The following PRICKLE1 variants were observed in gnomAD, a reference collection of about 807,000 sequenced individuals.
PRICKLE1 encodes the protein prickle-like protein 1.
In PRICKLE1, 14 loss-of-function variants were observed where a neutral mutation model predicts 70.2. That is an observed-to-expected ratio of 0.20 (90% CI 0.13 to 0.31). PRICKLE1 has a LOEUF of 0.31. Ranked by LOEUF, PRICKLE1 falls within the 10% of genes least tolerant of loss-of-function variation. The pLI, the probability that PRICKLE1 is intolerant of heterozygous loss-of-function variation, is 1.00. For missense variants in PRICKLE1, 821 were observed against 1,026.2 expected (o/e 0.80, Z 2.73); for synonymous variants, 357 against 379.9 (o/e 0.94, Z 0.70).
At chr12:42,517,717 T>TA (rs1021788112) in intron 1 of PRICKLE1, among the ~76,000 whole-genome samples, 42 of 152,212 alleles carry the variant, frequency 2.8e-4, no homozygotes, top group African/African-American at 9.4e-4. Context: ...CTCCTGGCTT[T>TA]AAGGACACCC....
chr12:42,558,193 C>T (rs934571285), intron 1 of PRICKLE1, among the ~76,000 whole-genome samples: 6 of 152,190 alleles, frequency 3.9e-5, no homozygotes, highest in Admixed American at 2.0e-4. Context: ...AAATGTAATA[C>T]TTACACCTTA....
intron 1 of PRICKLE1, among the ~76,000 whole-genome samples, chr12:42,488,541 T>G (rs760315159): frequency 6.6e-6 from 1 of 152,248 alleles, no homozygotes; most frequent in Non-Finnish European, 1.5e-5. Flanking sequence ...GGTTCTGACC[T>G]TAGGCTCTGC....
At chr12:42,572,407 G>A (rs1940731844) in intron 1 of PRICKLE1, among the ~76,000 whole-genome samples, 1 of 151,504 alleles carries the variant, frequency 6.6e-6, no homozygotes, top group African/African-American at 2.4e-5. Context: ...TTGCACTCCA[G>A]CCTGGGTGAC....
At chr12:42,580,528 C>T (rs1228954968) in intron 1 of PRICKLE1, among the ~76,000 whole-genome samples, 1 of 152,058 alleles carries the variant, frequency 6.6e-6, no homozygotes, top group Non-Finnish European at 1.5e-5. Context: ...AACAATTATG[C>T]TCATTGTTTT....
At chr12:42,492,711 GTAAC>G (rs1939127949) in intron 1 of PRICKLE1, among the ~76,000 whole-genome samples, 1 of 152,212 alleles carries the variant, frequency 6.6e-6, no homozygotes, top group African/African-American at 2.4e-5. Flanking sequence ...GCTCTAGTAA[GTAAC>G]TGTCTTTTGA....
At chr12:42,543,742 C>T (rs375648576) in intron 1 of PRICKLE1, among the ~76,000 whole-genome samples, 52 of 152,142 alleles carry the variant, frequency 3.4e-4, no homozygotes, top group African/African-American at 1.1e-3. Flanking sequence ...AGGATGGTCT[C>T]GATCTCCTGA....
intron 1 of PRICKLE1, among the ~76,000 whole-genome samples, chr12:42,488,645 T>G: frequency 6.6e-6 from 1 of 152,188 alleles, no homozygotes; most frequent in East Asian, 1.9e-4. Flanking sequence ...AGAAAATATA[T>G]TCCAATAAAT....
intron 1 of PRICKLE1, among the ~76,000 whole-genome samples, chr12:42,570,654 T>C (rs570267574): frequency 6.6e-6 from 1 of 152,268 alleles, no homozygotes; most frequent in East Asian, 1.9e-4. Context: ...ATCCTGTCTC[T>C]ACTAAAAATA....
At chr12:42,466,778 T>C (rs59577937) in intron 5 of PRICKLE1, among the ~76,000 whole-genome samples, 4,539 of 151,860 alleles carry the variant, frequency 0.03, 254 homozygotes, top group African/African-American at 0.1. Context: ...TAAAAATGTC[T>C]GTGGACTCAA....
chr12:42,533,989 G>T (rs779036883), intron 1 of PRICKLE1, among the ~76,000 whole-genome samples: 1 of 152,050 alleles, frequency 6.6e-6, no homozygotes, highest in Non-Finnish European at 1.5e-5. Flanking sequence ...CCTCAAAAAG[G>T]TTCCTATTAC....
In PRICKLE1 at chr12:42,495,755, AT is replaced by A. The variant is rs200834361; in HGVS notation, c.-48-23192del. ...AGGCACGTGCCACCACGCCCTGCTA[AT>A]TTTTTTTTTGTATTTTAGTAGAGAC... On this transcript the variant is annotated intron_variant, in intron 1 of 7. Transcript: ENST00000345127. Among the ~76,000 whole-genome samples, 27 of 149,212 alleles carry A rather than the reference AT, an allele frequency of 1.8e-4. No homozygotes were observed. The East Asian group carries it at 4.2e-3, about 23-fold the overall frequency.
chr12:42,566,143 C>T (rs1016040444), intron 1 of PRICKLE1, among the ~76,000 whole-genome samples: 12 of 152,024 alleles, frequency 7.9e-5, no homozygotes, highest in Admixed American at 2.0e-4. Context: ...TCATTTTGGA[C>T]GGATCACTCT....
At chr12:42,586,191 T>C (rs1027191163) in intron 1 of PRICKLE1, among the ~76,000 whole-genome samples, 2 of 152,204 alleles carry the variant, frequency 1.3e-5, no homozygotes, top group Admixed American at 6.5e-5. Flanking sequence ...CTTCTCTTTA[T>C]TGTGGAATAA....
rs905214710 is a variant in PRICKLE1 at position 42,498,537 on chromosome 12, C to T, written c.-48-25973G>A. On this transcript the variant is annotated intron_variant, in intron 1 of 7. Transcript: ENST00000345127. The stretch of plus-strand genomic sequence containing the variant: ...GTGGCTCATGCCTGTAATTCCAGCA[C>T]TTTCAGAGGCTGAGGCAGGAGGATT... Among the ~76,000 whole-genome samples, 14 of 152,302 alleles carry T rather than the reference C, an allele frequency of 9.2e-5. No homozygotes were observed. In the South Asian group the frequency reaches 2.9e-3, roughly 32 times the overall value.
At chr12:42,473,668 C>G (rs1938409485) in intron 1 of PRICKLE1, among the ~76,000 whole-genome samples, 1 of 151,994 alleles carries the variant, frequency 6.6e-6, no homozygotes, top group Non-Finnish European at 1.5e-5. Context: ...GATAATTATC[C>G]CGACCCAATG....
intron 1 of PRICKLE1, among the ~76,000 whole-genome samples, chr12:42,565,640 C>A (rs576320887): frequency 6.6e-6 from 1 of 152,312 alleles, no homozygotes; most frequent in East Asian, 1.9e-4. Context: ...GCCAATCCTG[C>A]GGGTTTATTC....
At chr12:42,551,290 T>C (rs555537718) in intron 1 of PRICKLE1, among the ~76,000 whole-genome samples, 3 of 152,252 alleles carry the variant, frequency 2.0e-5, no homozygotes, top group African/African-American at 4.8e-5. Context: ...AAAATAAAGA[T>C]GGAGAAATAA....
intron 1 of PRICKLE1, among the ~76,000 whole-genome samples, chr12:42,490,199 G>A (rs1939070815): frequency 2.6e-5 from 4 of 152,226 alleles, no homozygotes; most frequent in Admixed American, 2.6e-4. Flanking sequence ...AATTCGGTAA[G>A]AAGTCAAGAT....
At position 42,466,196 on chromosome 12, in the gene PRICKLE1, A is replaced by G. The variant is rs1938088327; in HGVS notation, c.773T>C (p.Ile258Thr). The G allele has an allele frequency of 6.2e-7, 1 of 1,614,224 alleles. No homozygotes were observed. The highest frequency in any genetic ancestry group is 8.5e-7 in the Non-Finnish European group (1 of 1,180,034). The part of the protein sequence containing the change: ...AEYCETCGEH[I>T]GVDHAQMTYD... ...AGACGGGCTGGCTGTGGACTTACCA[A>G]TATGTTCCCCACAGGTTTCACAGTA... The change falls in exon 6 of 8, where the codon ATT becomes ACT. Residue 258 changes from isoleucine to threonine, a missense_variant and splice_region_variant. Transcript: ENST00000345127.
Sources: gnomAD v4.1 joint callset for allele counts (sites outside exome capture counted in the v4.1 genomes callset) on GRCh38, gnomAD v4.1.1 for gene constraint, MANE v1.5 for transcripts, NCBI Gene and HGNC (gene_info 2026-07-23, HGNC 2026-07-21) for gene names.